The following ZFR2 variants were observed in gnomAD, a reference collection of about 807,000 sequenced individuals.
ZFR2 encodes the protein zinc finger RNA binding protein 2.
In ZFR2, 104 loss-of-function variants were observed where a neutral mutation model predicts 105.7. The ratio of observed to expected loss-of-function variants is 0.98; its 90% confidence interval spans 0.84 to 1.16. The LOEUF is 1.16. Among genes scored for constraint, ZFR2 ranks in the 50% most tolerant of loss-of-function variants. ZFR2 has a pLI of 0.00. For missense variants in ZFR2, 1,425 were observed against 1,355.5 expected, an observed-to-expected ratio of 1.05 and a Z score of -0.80; for synonymous variants, 634 against 597.7, an observed-to-expected ratio of 1.06 and a Z score of -0.89.
chr19:3,824,715 T>C (rs1599231101), intron 7 of ZFR2, among the ~76,000 whole-genome samples: 2 of 152,280 alleles, frequency 1.3e-5, no homozygotes, highest in South Asian at 4.1e-4. Flanking sequence ...GGCTGGTGGA[T>C]CACTTGAGGT....
rs200032828 is a variant in ZFR2, at chr19:3,807,219, C to T, written c.2596G>A (p.Glu866Lys). The T allele has an allele frequency of 9.9e-5, 154 of 1,560,988 alleles. 1 individual carries two copies. In the East Asian group the frequency reaches 1.4e-3, roughly 14 times the overall value. The change falls in exon 18 of 19, where the codon GAG (glutamate) becomes AAG (lysine). Residue 866 changes from glutamate to lysine, a missense_variant. Coordinates refer to ENST00000262961, the MANE Select transcript of ZFR2 (RefSeq NM_015174.2). ...PCERDQTDAL[E>K]PMTLQEREDV... is the part of the protein sequence containing the mutation. ...TCCCGCTCTTGGAGGGTCATGGGCT[C>T]GAGGGCATCTGTCTGGTCTCTCTCG...
Position 3,834,684 on chromosome 19 carries a change from A to C in ZFR2, c.264+89T>G, listed in dbSNP as rs1177134656. ...GGATCACGGTTAAGAGGCCTGGGAG[A>C]AGGAGTAGCTGTGGGAAGCCCACCG... On this transcript the variant is annotated intron_variant, in intron 2 of 18. Transcript: ENST00000262961. The surrounding 1 kb of genome is among the most constrained non-coding windows in gnomAD (Gnocchi z 5.3). 1 of 1,333,474 alleles carries C rather than the reference A, an allele frequency of 7.5e-7. No individual in the cohort carries two copies. 82.6% of individuals were successfully genotyped at this position (1,333,474 alleles called of 1,614,324 possible).
At chr19:3,833,371 T>C (rs1169647663) in intron 3 of ZFR2, among the ~76,000 whole-genome samples, 1 of 151,932 alleles carries the variant, frequency 6.6e-6, no homozygotes, top group African/African-American at 2.4e-5. Context: ...GGTCAGGAGA[T>C]GGAGACCATC....
chr19:3,808,145 G>A (rs371714328), intron 17 of ZFR2, among the ~76,000 whole-genome samples: 1 of 149,458 alleles, frequency 6.7e-6, no homozygotes, highest in Non-Finnish European at 1.5e-5. Context: ...ATGTGTGCCC[G>A]TGTGTGCAAG....
chr19:3,833,106 A>T (rs1258619504), intron 3 of ZFR2, among the ~76,000 whole-genome samples: 1 of 151,710 alleles, frequency 6.6e-6, no homozygotes, highest in African/African-American at 2.4e-5. Flanking sequence ...AAAATTAGCC[A>T]GGCATGGTGG....
intron 6 of ZFR2, among the ~76,000 whole-genome samples, chr19:3,826,879 C>T (rs928376273): frequency 8.5e-5 from 13 of 152,348 alleles, no homozygotes; most frequent in Admixed American, 3.9e-4. Context: ...GCCAAGCTTT[C>T]TTGGAAGTCC....
intron 1 of ZFR2, among the ~76,000 whole-genome samples, chr19:3,868,730 GT>G (rs1213414913): frequency 6.6e-6 from 1 of 151,770 alleles, no homozygotes; most frequent in Non-Finnish European, 1.5e-5. Flanking sequence ...GACAGACACC[GT>G]TGGCTGCAGA....
At chr19:3,827,403 G>A in intron 6 of ZFR2, 68 bp downstream of exon 6, 1 of 1,435,284 alleles carries the variant, frequency 7.0e-7, no homozygotes, top group East Asian at 2.6e-5. Flanking sequence ...GTACCTCTGT[G>A]GGTCCCAAGT....
At chr19:3,854,678 T>A (rs1489790580) in intron 1 of ZFR2, among the ~76,000 whole-genome samples, 2 of 152,152 alleles carry the variant, frequency 1.3e-5, no homozygotes, top group Non-Finnish European at 2.9e-5. Flanking sequence ...TGCAATAAAC[T>A]CACAGGACAG....
In ZFR2 at chr19:3,858,202, G is replaced by T. The variant is rs2145190986; in HGVS notation, c.53+10763C>A. Among the ~76,000 whole-genome samples the T allele has an allele frequency of 6.6e-6, 1 of 152,264 alleles. No individual in the cohort carries two copies. The highest frequency in any genetic ancestry group is 1.9e-4 in the East Asian group (1 of 5,178). On this transcript the variant is annotated intron_variant, in intron 1 of 18. Transcript: ENST00000262961. This position sits in a 1 kb window ranked among gnomAD's most constrained non-coding sequence, Gnocchi z 4.3. ...CCCATCTGAGCTGCCCACGTCACCT[G>T]GCCCAGAGCTCTTTCTGTAGGGCCA...
chr19:3,823,023 C>T lies in ZFR2; in HGVS notation c.1371+223G>A, dbSNP rs975076547. Among the ~76,000 whole-genome samples, 1 of 152,236 alleles carries T rather than the reference C, an allele frequency of 6.6e-6. No homozygotes were observed. Among genetic ancestry groups the T allele is most frequent in the African/African-American group, 2.4e-5 (1 of 41,468 alleles). ...GGAATGCCTCGGCCTGTCTCTGGCCCTCACGGGGCCATATTCATTTCCTGC... is the reference window on the plus strand; with the variant it reads ...GGAATGCCTCGGCCTGTCTCTGGCCTTCACGGGGCCATATTCATTTCCTGC... On this transcript the variant is annotated intron_variant, in intron 8 of 18. Coordinates refer to ENST00000262961, the MANE Select transcript of ZFR2 (RefSeq NM_015174.2). The surrounding 1 kb of genome is among the most constrained non-coding windows in gnomAD (Gnocchi z 5.4).
At position 3,821,388 on chromosome 19, in the gene ZFR2, A is replaced by G. The variant is rs779998441; in HGVS notation, c.1583T>C (p.Leu528Pro). The G allele has an allele frequency of 1.2e-6, 2 of 1,610,538 alleles. No homozygotes were observed. The highest frequency in any genetic ancestry group is 1.1e-5 in the South Asian group (1 of 90,880). ...CAGCTGCTCCAGCCGCTCCTCCGCC[A>G]GGTGCCGCTGCTTCCTCATGCGCTC... is the stretch of plus-strand genomic sequence containing the variant. Reference protein sequence around the residue: ...LEERMRKQRHLAEERLEQLRR... With the variant: ...LEERMRKQRHPAEERLEQLRR... The change falls in exon 10 of 19, where the codon CTG becomes CCG. Residue 528 changes from leucine to proline, a missense_variant. By Grantham distance (98) the Leu-to-Pro change is moderately conservative. Transcript: ENST00000262961.
At position 3,834,885 on chromosome 19, in the gene ZFR2, G is replaced by A. The variant is rs771082563; in HGVS notation, c.152C>T (p.Pro51Leu). ...TCCACCGTACCCTGCCGGGGCAGCT[G>A]GGGGAAAGGCCGGGTTCACGGCAGG... is the stretch of plus-strand genomic sequence containing the variant. ...MDPAVNPAFP[P>L]AAPAGYGGYQ... The change falls in exon 2 of 19, where the codon CCA (proline) becomes CTA (leucine). Residue 51 changes from proline to leucine, a missense_variant. Transcript: ENST00000262961. This position sits in a 1 kb window ranked among gnomAD's most constrained non-coding sequence, Gnocchi z 5.3. 2 of 1,611,706 alleles carry A rather than the reference G, an allele frequency of 1.2e-6. No homozygotes were observed. The highest frequency in any genetic ancestry group is 1.7e-6 in the Non-Finnish European group (2 of 1,179,028).
intron 5 of ZFR2, 71 bp from the exon 6 acceptor site, chr19:3,827,724 C>T (rs2037967943): frequency 4.6e-6 from 7 of 1,526,454 alleles, no homozygotes; most frequent in Admixed American, 2.2e-5. Context: ...CCCTGCAGGC[C>T]CCCGGCTTAG....
At chr19:3,835,388 C>T (rs1035517484) in intron 1 of ZFR2, among the ~76,000 whole-genome samples, 3 of 151,818 alleles carry the variant, frequency 2.0e-5, no homozygotes, top group Admixed American at 1.3e-4. Context: ...TGCAGTGGCA[C>T]GATCTTAGCT....
rs769019696 is a variant in ZFR2, at chr19:3,816,709, G to A, written c.2068C>T (p.Arg690Trp). The A allele has an allele frequency of 9.9e-6, 16 of 1,611,552 alleles. No individual in the cohort carries two copies. In the Admixed American group the frequency reaches 1.0e-4, roughly 10 times the overall value. Residue 690 changes from arginine to tryptophan, a missense_variant, in exon 13 of 19, where the codon CGG (arginine) becomes TGG (tryptophan). Physicochemically the swap from Arg to Trp is moderately radical, Grantham distance 101. Coordinates refer to ENST00000262961, the MANE Select transcript of ZFR2 (RefSeq NM_015174.2). ...CGGGGCAGCTGCTGGGCGATCCTCCGCAGCAGGCTGTGCGTGGGCTTCTCG... is the reference window on the plus strand; with the variant it reads ...CGGGGCAGCTGCTGGGCGATCCTCCACAGCAGGCTGTGCGTGGGCTTCTCG... The part of the protein sequence containing the change: ...CSEKPTHSLL[R>W]RIAQQLPRQL...
At chr19:3,806,293 C>T (rs955721332) in intron 18 of ZFR2, among the ~76,000 whole-genome samples, 168 bp from the exon 19 acceptor site, 3 of 152,170 alleles carry the variant, frequency 2.0e-5, no homozygotes, top group Admixed American at 1.3e-4. Context: ...GACACAGTCT[C>T]GCTCTGTCAC....
At chr19:3,852,123 A>G (rs1044133717) in intron 1 of ZFR2, 3 of 353,284 alleles carry the variant, frequency 8.5e-6, no homozygotes, top group South Asian at 2.6e-5. Flanking sequence ...TCTTCTGGCC[A>G]AGGCGGGGCT....
chr19:3,856,319 T>C (rs1430559021), intron 1 of ZFR2, among the ~76,000 whole-genome samples: 1 of 152,148 alleles, frequency 6.6e-6, no homozygotes, highest in African/African-American at 2.4e-5. Flanking sequence ...TGGGCCGCTG[T>C]ATGCAGGGGC....
Sources: gnomAD v4.1 joint callset for allele counts (sites outside exome capture counted in the v4.1 genomes callset) on GRCh38, gnomAD v4.1.1 for gene constraint, Gnocchi (gnomAD v3.1) non-coding constraint, MANE v1.5 for transcripts, NCBI Gene and HGNC (gene_info 2026-07-23, HGNC 2026-07-21) for gene names.